Variants in PDE4D observed in about 807,000 individuals in gnomAD.
PDE4D encodes phosphodiesterase 4D.
In PDE4D, 24 loss-of-function variants were observed where a neutral mutation model predicts 87.4. The ratio of observed to expected loss-of-function variants is 0.27; its 90% CI spans 0.20 to 0.39. The LOEUF (loss-of-function observed/expected upper bound fraction) is 0.39. PDE4D is among the 10% of genes least tolerant of loss of function. The pLI is 1.00. For synonymous variants in PDE4D, 384 were observed against 383.2 expected (o/e 1.00, Z -0.02); for missense variants, 714 against 1,041.0 (o/e 0.69, Z 4.32).
intron 1 of PDE4D, among the ~76,000 whole-genome samples, chr5:59,889,105 G>T (rs60661960): frequency 6.6e-6 from 1 of 151,542 alleles, no homozygotes; most frequent in African/African-American, 2.4e-5. Context: ...GCTCGTGCCC[G>T]TAGTCCCAGC....
At chr5:59,742,896 G>A (rs1759070878) in intron 1 of PDE4D, among the ~76,000 whole-genome samples, 1 of 152,126 alleles carries the variant, frequency 6.6e-6, no homozygotes, top group South Asian at 2.1e-4. Flanking sequence ...AGAAAATAGG[G>A]CTTAATAAAG....
At chr5:59,461,836 G>T (rs73758506) in intron 1 of PDE4D, among the ~76,000 whole-genome samples, 2,496 of 152,008 alleles carry the variant, frequency 0.016, 73 homozygotes, top group African/African-American at 0.055. Flanking sequence ...CTTTCCATAG[G>T]CTCTCAGTAG....
At chr5:60,147,269 A>T (rs1781095391) in intron 2 of PDE4D, among the ~76,000 whole-genome samples, 1 of 152,238 alleles carries the variant, frequency 6.6e-6, no homozygotes, top group Admixed American at 6.5e-5. Context: ...TTATAAATGG[A>T]AACAAAGAAA....
At chr5:59,439,587 T>C (rs903766750) in intron 1 of PDE4D, among the ~76,000 whole-genome samples, 13 of 152,174 alleles carry the variant, frequency 8.5e-5, no homozygotes, top group Non-Finnish European at 1.6e-4. Flanking sequence ...ATGCAAATAT[T>C]CCTGCCTTTA....
At chr5:59,782,248 T>G (rs935134026) in intron 1 of PDE4D, among the ~76,000 whole-genome samples, 2 of 152,216 alleles carry the variant, frequency 1.3e-5, no homozygotes, top group African/African-American at 4.8e-5. Context: ...CTAAGAACTA[T>G]GTTGTTTTGA....
intron 1 of PDE4D, among the ~76,000 whole-genome samples, chr5:59,886,578 G>C (rs1187464917): frequency 6.6e-6 from 1 of 151,646 alleles, no homozygotes; most frequent in South Asian, 2.1e-4. Flanking sequence ...AGGAATATCC[G>C]CAAGAGGGTA....
intron 1 of PDE4D, among the ~76,000 whole-genome samples, chr5:59,612,055 C>T (rs988258865): frequency 1.2e-4 from 19 of 152,198 alleles, no homozygotes; most frequent in African/African-American, 3.6e-4. Context: ...CTCATTAAAA[C>T]TTCTTCCTAT....
chr5:59,420,987 G>A (rs754647035), intron 1 of PDE4D, among the ~76,000 whole-genome samples: 2 of 152,096 alleles, frequency 1.3e-5, no homozygotes, highest in African/African-American at 2.4e-5. Flanking sequence ...ACCTCCGTAC[G>A]CGTATGTGTT....
At chr5:60,274,262 T>C (rs1215180669) in intron 1 of PDE4D, among the ~76,000 whole-genome samples, 1 of 152,200 alleles carries the variant, frequency 6.6e-6, no homozygotes, top group African/African-American at 2.4e-5. Context: ...CTGGGATTCT[T>C]AGGCAACTAA....
chr5:59,314,997 G>GA (rs1773424053), intron 1 of PDE4D, among the ~76,000 whole-genome samples: 1 of 152,104 alleles, frequency 6.6e-6, no homozygotes, highest in South Asian at 2.1e-4. Context: ...ATGCCTTGTT[G>GA]GGGGGAAAGA....
At chr5:59,126,808 T>C (rs1366037673) in intron 5 of PDE4D, among the ~76,000 whole-genome samples, 1 of 152,206 alleles carries the variant, frequency 6.6e-6, no homozygotes, top group Non-Finnish European at 1.5e-5. Flanking sequence ...TTTATGGACT[T>C]GGAAAGCTGC....
chr5:59,590,079 A>G (rs1583236699), intron 1 of PDE4D, among the ~76,000 whole-genome samples: 1 of 152,298 alleles, frequency 6.6e-6, no homozygotes, highest in East Asian at 1.9e-4. Flanking sequence ...ATATTTTTGC[A>G]GACATAAGGC....
chr5:60,356,935 T>G (rs1759670410), intron 1 of PDE4D, among the ~76,000 whole-genome samples: 1 of 152,144 alleles, frequency 6.6e-6, no homozygotes. Context: ...CATGCAGCTA[T>G]GGAACTGGAC....
chr5:60,186,144 G>A (rs948231871), intron 1 of PDE4D, among the ~76,000 whole-genome samples: 1 of 152,114 alleles, frequency 6.6e-6, no homozygotes, highest in South Asian at 2.1e-4. Context: ...GCATCATTGC[G>A]TCTTGTTTCA....
At chr5:59,764,804 CAT>C in intron 1 of PDE4D, among the ~76,000 whole-genome samples, 1 of 151,838 alleles carries the variant, frequency 6.6e-6, no homozygotes, top group East Asian at 1.9e-4. Flanking sequence ...TACAGGCACA[CAT>C]CACCATGCCT....
At chr5:59,903,395 A>C (rs7729259) in intron 3 of PDE4D, among the ~76,000 whole-genome samples, 12,014 of 152,062 alleles carry the variant, frequency 0.079, 999 homozygotes, top group African/African-American at 0.21. Context: ...AGGTTCTTCA[A>C]ACTGTTCTGA....
chr5:59,356,480 T>G (rs1028063867), intron 1 of PDE4D, among the ~76,000 whole-genome samples: 2 of 152,206 alleles, frequency 1.3e-5, no homozygotes, highest in Admixed American at 1.3e-4. Flanking sequence ...GACAAGTTAA[T>G]ACACTGTTTT....
intron 2 of PDE4D, among the ~76,000 whole-genome samples, chr5:60,102,691 T>C (rs1308039782): frequency 6.6e-6 from 1 of 152,062 alleles, no homozygotes; most frequent in African/African-American, 2.4e-5. Flanking sequence ...AAAGTTGAAA[T>C]AGAAAACAGA....
chr5:59,702,346 T>C (rs1752698748), intron 1 of PDE4D, among the ~76,000 whole-genome samples: 1 of 152,102 alleles, frequency 6.6e-6, no homozygotes, highest in Admixed American at 6.6e-5. Context: ...CAGGATGGTC[T>C]CGATCTCCTG....
Sources: allele counts gnomAD v4.1 joint callset (sites outside exome capture counted in the v4.1 genomes callset), GRCh38; gene constraint gnomAD v4.1.1; transcripts MANE v1.5; gene names NCBI Gene and HGNC (gene_info 2026-07-23, HGNC 2026-07-21).